The following H2BK1 variants were observed in gnomAD, a reference collection of about 807,000 sequenced individuals.
H2BK1 encodes the protein H2B.K variant histone 1.
chr7:151,208,007 G>A, the H2BK1 span: 2 of 1,586,368 alleles, frequency 1.3e-6, no homozygotes, highest in African/African-American at 1.3e-5. Flanking sequence ...CGAGTACTGG[G>A]CCAGCCGGGC....
chr7:151,210,344 C>G, the H2BK1 span: 5 of 398,654 alleles, frequency 1.3e-5, no homozygotes, highest in Non-Finnish European at 2.2e-5. Context: ...ATAGCCCTCA[C>G]CCACCCCCTT....
chr7:151,208,356 A>T, the H2BK1 span, among the ~76,000 whole-genome samples: 2 of 152,254 alleles, frequency 1.3e-5, no homozygotes, highest in Non-Finnish European at 2.9e-5. Context: ...AACATGATTA[A>T]GCTCCTTGTA....
At chr7:151,209,350 C>T in the H2BK1 span, among the ~76,000 whole-genome samples, 1 of 145,318 alleles carries the variant, frequency 6.9e-6, no homozygotes, top group East Asian at 2.3e-4. Context: ...TGTCAATTCA[C>T]TAAACCGCTA....
At chr7:151,209,531 C>T in the H2BK1 span, among the ~76,000 whole-genome samples, 1 of 152,152 alleles carries the variant, frequency 6.6e-6, no homozygotes, top group Non-Finnish European at 1.5e-5. Flanking sequence ...AATTGATTGT[C>T]AGTGTTCCAA....
the H2BK1 span, among the ~76,000 whole-genome samples, chr7:151,209,855 T>C: frequency 9.2e-5 from 14 of 152,228 alleles, no homozygotes; most frequent in Non-Finnish European, 2.1e-4. Context: ...TATCATAATG[T>C]GTTTGGCACC....
the H2BK1 span, among the ~76,000 whole-genome samples, chr7:151,209,832 C>G: frequency 6.6e-6 from 1 of 152,240 alleles, no homozygotes; most frequent in Non-Finnish European, 1.5e-5. Context: ...TTCTCGGTCA[C>G]CAACACACTT....
At chr7:151,209,248 G>C in the H2BK1 span, among the ~76,000 whole-genome samples, 1 of 151,996 alleles carries the variant, frequency 6.6e-6, no homozygotes, top group South Asian at 2.1e-4. Flanking sequence ...GGGCACCAGA[G>C]TCTGTCCTCT....
At chr7:151,210,060 G>T in the H2BK1 span, 1 of 396,090 alleles carries the variant, frequency 2.5e-6, no homozygotes, top group Non-Finnish European at 4.4e-6. Flanking sequence ...ACCTCAAGAG[G>T]GGCCAGGCCT....
chr7:151,208,058 G>C, the H2BK1 span: 3 of 1,614,174 alleles, frequency 1.9e-6, no homozygotes, highest in Admixed American at 5.0e-5. Flanking sequence ...GTTTACAAAC[G>C]AGTTCATGAT....
At chr7:151,210,177 A>G in the H2BK1 span, 2 of 398,968 alleles carry the variant, frequency 5.0e-6, no homozygotes, top group Non-Finnish European at 8.8e-6. Flanking sequence ...CATCCTTGCT[A>G]TGCACTCACC....
At chr7:151,208,024 A>G in the H2BK1 span, 2 of 1,609,844 alleles carry the variant, frequency 1.2e-6, no homozygotes. Flanking sequence ...GGGCAGCCTC[A>G]CACGCCAGCT....
the H2BK1 span, among the ~76,000 whole-genome samples, chr7:151,209,166 G>A: frequency 1.3e-5 from 2 of 151,972 alleles, no homozygotes; most frequent in Admixed American, 1.3e-4. Context: ...CCCATCAGTT[G>A]CAATTTTTGC....
chr7:151,209,357 G>A, the H2BK1 span, among the ~76,000 whole-genome samples: 1 of 136,490 alleles, frequency 7.3e-6, no homozygotes, highest in African/African-American at 2.7e-5. Flanking sequence ...TCACTAAACC[G>A]CTAATGGGAT....
the H2BK1 span, among the ~76,000 whole-genome samples, chr7:151,209,399 C>T: frequency 6.6e-6 from 1 of 152,114 alleles, no homozygotes. Context: ...CCTCTGGGGC[C>T]TGCTCTAACA....
At chr7:151,210,201 T>C in the H2BK1 span, 1 of 399,120 alleles carries the variant, frequency 2.5e-6, no homozygotes, top group Non-Finnish European at 4.4e-6. Flanking sequence ...TTCAGCACCT[T>C]GTAGATATAC....
At chr7:151,208,894 G>A in the H2BK1 span, among the ~76,000 whole-genome samples, 17 of 152,294 alleles carry the variant, frequency 1.1e-4, no homozygotes, top group Admixed American at 1.1e-3. Context: ...TGTGAAGTGG[G>A]AGAGAAGTGA....
the H2BK1 span, chr7:151,207,953 C>T: frequency 1.1e-5 from 15 of 1,341,762 alleles, no homozygotes; most frequent in Admixed American, 1.7e-5. Context: ...CAGCAGCAGA[C>T]GCACAGCCGT....
the H2BK1 span, chr7:151,210,234 G>A: frequency 7.5e-5 from 30 of 399,050 alleles, no homozygotes; most frequent in Non-Finnish European, 1.2e-4. Context: ...TCCTTGCGCC[G>A]ACAGCGCTTT....
chr7:151,210,067 G>A, the H2BK1 span: 9 of 395,956 alleles, frequency 2.3e-5, no homozygotes, highest in Admixed American at 4.4e-5. Context: ...GAGGGGCCAG[G>A]CCTGCCTGAG....
Sources: gnomAD v4.1 joint callset for allele counts (sites outside exome capture counted in the v4.1 genomes callset) on GRCh38, gnomAD v4.1.1 for gene constraint, MANE v1.5 for transcripts, NCBI Gene and HGNC (gene_info 2026-07-23, HGNC 2026-07-21) for gene names.